Variants in BRCA2 observed in about 807,000 individuals in gnomAD.
BRCA2 encodes the protein BRCA2 DNA repair associated, also known as breast cancer type 2 susceptibility protein.
In BRCA2, 203 loss-of-function variants were observed where a neutral mutation model predicts 276.7. The observed-to-expected ratio is 0.73, with a 90% CI of 0.65 to 0.82. The LOEUF (loss-of-function observed/expected upper bound fraction) is 0.82, where lower values mean the gene tolerates loss of function less well. BRCA2 is among the 40% of genes least tolerant of loss of function. The probability of loss-of-function intolerance (pLI) is 0.00; values close to 1 mark genes in which losing one functional copy is unlikely to be tolerated. For missense variants in BRCA2, 3,920 were observed against 3,915.0 expected, an observed-to-expected ratio of 1.00 and a Z score of -0.03; for synonymous variants, 1,289 against 1,338.4, an observed-to-expected ratio of 0.96 and a Z score of 0.81.
intron 17 of BRCA2, 142 bp downstream of exon 17, chr13:32,362,835 T>C: frequency 2.2e-6 from 2 of 900,958 alleles, no homozygotes; most frequent in Non-Finnish European, 3.5e-6. Context: ...TCTCCTGTCA[T>C]CCCTAGCCCC....
In BRCA2 at chr13:32,372,580, AC is replaced by A. The variant is rs1272701190; in HGVS notation, c.8632+1485del. The stretch of plus-strand genomic sequence containing the variant: ...GCACAAGAATAGCATGGGGGAAACC[AC>A]CCCCATGATCCAATCACCTCCCACC... On this transcript the variant is annotated intron_variant, in intron 20 of 26. Transcript: ENST00000380152. Among the ~76,000 whole-genome samples the A allele has an allele frequency of 5.9e-5, 9 of 152,000 alleles. No homozygotes were observed. In the South Asian group the frequency reaches 1.2e-3, roughly 21 times the overall value.
chr13:32,384,618 C>T (rs1487018185), intron 24 of BRCA2: 10 of 207,538 alleles, frequency 4.8e-5, no homozygotes, highest in Admixed American at 2.2e-4. Flanking sequence ...CAGAGGAGTC[C>T]GGCTAAACCA....
At chr13:32,374,979 GGCC>G (rs1349235257) in intron 20 of BRCA2, among the ~76,000 whole-genome samples, 1 of 152,228 alleles carries the variant, frequency 6.6e-6, no homozygotes, top group Non-Finnish European at 1.5e-5. Context: ...TGGCTGGGGA[GGCC>G]TCAGGAAACT....
At chr13:32,362,756 T>A (rs2137578356) in intron 17 of BRCA2, 63 bp downstream of exon 17, 1 of 1,567,690 alleles carries the variant, frequency 6.4e-7, no homozygotes, top group Non-Finnish European at 8.8e-7. Flanking sequence ...TTCTGTGTAG[T>A]CTGTGACTTC....
chr13:32,346,312 G>C lies in BRCA2; in HGVS notation c.6938-515G>C, dbSNP rs57263247. On this transcript the variant is annotated intron_variant, in intron 12 of 26. Transcript: ENST00000380152. ...TGTTTATTGGTTGTTGTTTACTTAA[G>C]AATTATTTGGAGATGACTCCTTAAT... 7.2e-3 allele frequency among the ~76,000 whole-genome samples: 1,096 copies of C among 151,872 alleles called. 16 individuals carry two copies. Among genetic ancestry groups the C allele is most frequent in the African/African-American group, 0.025 (1,040 of 41,472 alleles).
At chr13:32,388,962 C>A (rs2072979852) in intron 24 of BRCA2, among the ~76,000 whole-genome samples, 2 of 152,106 alleles carry the variant, frequency 1.3e-5, no homozygotes, top group Admixed American at 6.5e-5. Context: ...ATTTGTTTCT[C>A]CTGCTTTTCA....
intron 7 of BRCA2, 35 bp downstream of exon 7, chr13:32,326,648 C>G (rs1380437182): frequency 3.4e-6 from 5 of 1,464,474 alleles, no homozygotes; most frequent in Non-Finnish European, 4.8e-6. Flanking sequence ...CAAGAAAGAG[C>G]AGATGAGGTT....
rs541826447 is a variant in BRCA2, at chr13:32,340,586, G to C, written c.6231G>C (p.Lys2077Asn). 6.6e-5 allele frequency: 106 copies of C among 1,610,380 alleles called. No individual in the cohort carries two copies. The South Asian group carries it at 1.1e-3, about 17-fold the overall frequency. ...TAGAAAGTTCCTTACACAAAGTTAA[G>C]GGAGTGTTAGAGGAATTTGATTTAA... is the stretch of plus-strand genomic sequence containing the variant. ...SILESSLHKV[K>N]GVLEEFDLIR... Residue 2077 changes from lysine to asparagine, a missense_variant, in exon 11 of 27, where the codon AAG becomes AAC. Physicochemically the swap from Lys to Asn is moderately conservative, Grantham distance 94 (BLOSUM62 0). This residue lies in a region of BRCA2 where 3,263 missense variants were observed against 3,156.9 expected (regional missense o/e 1.03). Transcript: ENST00000380152.
chr13:32,321,193 A>T (rs2072303698), intron 3 of BRCA2, among the ~76,000 whole-genome samples: 1 of 152,230 alleles, frequency 6.6e-6, no homozygotes, highest in Admixed American at 6.5e-5. Context: ...CACAGTAGTA[A>T]CAGTCATAGA....
At chr13:32,358,838 G>A (rs1387504348) in intron 16 of BRCA2, among the ~76,000 whole-genome samples, 2 of 152,020 alleles carry the variant, frequency 1.3e-5, no homozygotes, top group African/African-American at 2.4e-5. Context: ...GGAGGCTGAG[G>A]CAGGAGAATC....
intron 3 of BRCA2, 97 bp from the exon 4 acceptor site, chr13:32,324,978 CA>C (rs2072332767): frequency 7.4e-6 from 6 of 812,804 alleles, no homozygotes; most frequent in South Asian, 7.3e-5. Context: ...TTCTCATTCC[CA>C]GTATAGAGGA....
At position 32,336,366 on chromosome 13, in the gene BRCA2, T is replaced by C. The variant is rs779136624; in HGVS notation, c.2011T>C (p.Ser671Pro). ...SSFGTILRKC[S>P]RNETCSNNTV... is the part of the protein sequence containing the mutation. Reference sequence around the variant, plus strand: ...TTTTGGGACAATTCTGAGGAAATGTTCTAGAAATGAAACATGTTCTAATAA... The same window carrying C: ...TTTTGGGACAATTCTGAGGAAATGTCCTAGAAATGAAACATGTTCTAATAA... The change falls in exon 11 of 27, where the codon TCT (serine) becomes CCT (proline). Residue 671 changes from serine (S) to proline (P), a missense_variant. Ser to Pro is a moderately conservative substitution (Grantham distance 74). Transcript: ENST00000380152. The C allele has an allele frequency of 6.2e-7, 1 of 1,610,400 alleles. No individual in the cohort carries two copies. Among genetic ancestry groups the C allele is most frequent in the South Asian group, 1.1e-5 (1 of 90,314 alleles).
rs2137668839 is a variant in BRCA2, at chr13:32,398,866, C to T, written c.*96C>T. ...AAACCACACATTAGTACTTATGTTG[C>T]ACAATGAGAAAAGAAATTAGTTTCA... On this transcript the variant is annotated 3_prime_UTR_variant, in exon 27 of 27. Coordinates refer to ENST00000380152, the MANE Select transcript of BRCA2 (RefSeq NM_000059.4). 2.8e-6 allele frequency: 4 copies of T among 1,429,700 alleles called. No individual in the cohort carries two copies. The highest frequency in any genetic ancestry group is 3.8e-6 in the Non-Finnish European group (4 of 1,065,430). 88.6% of individuals were successfully genotyped at this position (1,429,700 alleles called of 1,614,324 possible).
chr13:32,392,414 A>G (rs2073003059), intron 24 of BRCA2, among the ~76,000 whole-genome samples: 1 of 152,106 alleles, frequency 6.6e-6, no homozygotes. Context: ...GGCTAGGCAC[A>G]GTGGCTCATG....
chr13:32,352,131 T>G (rs1424971281), intron 13 of BRCA2, among the ~76,000 whole-genome samples: 1 of 152,110 alleles, frequency 6.6e-6, no homozygotes, highest in East Asian at 1.9e-4. Flanking sequence ...CACCTGATTG[T>G]GGAATTGTTG....
intron 20 of BRCA2, chr13:32,375,280 C>A: frequency 5.4e-6 from 2 of 367,300 alleles, no homozygotes; most frequent in South Asian, 2.2e-5. Flanking sequence ...TGCAGTAATT[C>A]AGTCACATCT....
chr13:32,333,232 AGAAAAC>A lies in BRCA2; in HGVS notation c.1755_1760del (p.Lys586_Thr587del). 1.2e-6 allele frequency: 2 copies of A among 1,612,964 alleles called. No homozygotes were observed. The highest frequency in any genetic ancestry group is 1.7e-6 in the Non-Finnish European group (2 of 1,179,368). On this transcript the variant is annotated inframe_deletion, in exon 10 of 27. Transcript: ENST00000380152. ...GCAGGTTTAATATCCACTTTGAAAAAGAAAACAAATAAGTTTATTTATGCTATACAT... is the reference window on the plus strand; with the variant it reads ...GCAGGTTTAATATCCACTTTGAAAAAAAATAAGTTTATTTATGCTATACAT...
rs199879914 is a variant in BRCA2 at position 32,339,623 on chromosome 13, A to G, written c.5268A>G (p.Val1756=). 5.5e-5 allele frequency: 88 copies of G among 1,611,942 alleles called. No homozygotes were observed. Among genetic ancestry groups the G allele is most frequent in the Non-Finnish European group, 7.6e-6 (9 of 1,178,364 alleles). Reference sequence around the variant, plus strand: ...GCTATTCCTACCATTCTGATGAGGTATATAATGATTCAGGATATCTCTCAA... The same window carrying G: ...GCTATTCCTACCATTCTGATGAGGTGTATAATGATTCAGGATATCTCTCAA... ...SNSYSYHSDE[V]YNDSGYLSKN... Residue 1756 remains valine (V), a synonymous_variant, in exon 11 of 27, where the codon GTA becomes GTG. Coordinates refer to ENST00000380152, the MANE Select transcript of BRCA2 (RefSeq NM_000059.4).
chr13:32,321,882 T>G (rs1194774156), intron 3 of BRCA2, among the ~76,000 whole-genome samples: 1 of 152,250 alleles, frequency 6.6e-6, no homozygotes, highest in Non-Finnish European at 1.5e-5. Flanking sequence ...ATCCTCAGGT[T>G]ATTTGGGAAA....
Sources: gnomAD v4.1 joint callset for allele counts (sites outside exome capture counted in the v4.1 genomes callset) on GRCh38, gnomAD v4.1.1 for gene constraint, gnomAD v4.1.1 regional missense constraint, MANE v1.5 for transcripts, NCBI Gene and HGNC (gene_info 2026-07-23, HGNC 2026-07-21) for gene names.